Variants in DOCK9 observed in about 807,000 individuals in gnomAD.
The protein encoded by DOCK9 is dedicator of cytokinesis protein 9.
Under a neutral mutation model 263.3 loss-of-function variants are expected in DOCK9, and 89 were observed. The observed-to-expected ratio is 0.34, with a 90% CI of 0.28 to 0.40. DOCK9 has a LOEUF of 0.40. Ranked by LOEUF, DOCK9 falls within the 10% of genes least tolerant of loss-of-function variation. The pLI is 1.00. For synonymous variants in DOCK9, 976 were observed against 973.1 expected (o/e 1.00, Z -0.06); for missense variants, 2,140 against 2,603.4 (o/e 0.82, Z 3.87).
chr13:98,807,199 T>C (rs1354083245), intron 48 of DOCK9, among the ~76,000 whole-genome samples: 1 of 152,060 alleles, frequency 6.6e-6, no homozygotes, highest in Non-Finnish European at 1.5e-5. Flanking sequence ...AAGCAGAAAA[T>C]GATCGCCATT....
chr13:99,038,288 CTTTTTTTTTTTT>C (rs71419743), intron 1 of DOCK9, among the ~76,000 whole-genome samples: 9 of 86,264 alleles, frequency 1.0e-4, no homozygotes, highest in African/African-American at 3.2e-4. Context: ...TTATGCCCCC[CTTTTTTTTTTTT>C]TTTTTTTTTT....
At chr13:98,967,896 C>A (rs1312445050) in intron 1 of DOCK9, among the ~76,000 whole-genome samples, 1 of 152,100 alleles carries the variant, frequency 6.6e-6, no homozygotes, top group Non-Finnish European at 1.5e-5. Context: ...ATTTATAATA[C>A]CATCAAATAT....
intron 22 of DOCK9, 113 bp from the exon 23 acceptor site, chr13:98,883,244 T>C: frequency 1.0e-6 from 1 of 987,832 alleles, no homozygotes; most frequent in South Asian, 1.7e-5. Flanking sequence ...TTGTTGTTGT[T>C]GTTGTTGTTG....
intron 9 of DOCK9, among the ~76,000 whole-genome samples, chr13:98,911,570 T>C (rs2050035461): frequency 6.6e-6 from 1 of 152,198 alleles, no homozygotes; most frequent in African/African-American, 2.4e-5. Flanking sequence ...GACATTATTT[T>C]ATGTAAAAAA....
intron 39 of DOCK9, among the ~76,000 whole-genome samples, chr13:98,836,584 C>T (rs751343671): frequency 6.6e-6 from 1 of 152,082 alleles, no homozygotes; most frequent in Admixed American, 6.5e-5. Context: ...GGTAATGAGG[C>T]GCTTCTACCC....
At chr13:99,002,305 T>C (rs919759295) in intron 1 of DOCK9, among the ~76,000 whole-genome samples, 1 of 152,184 alleles carries the variant, frequency 6.6e-6, no homozygotes, top group African/African-American at 2.4e-5. Flanking sequence ...TCAGGGGCCC[T>C]GCAAGCCTTC....
intron 10 of DOCK9, among the ~76,000 whole-genome samples, chr13:98,903,319 C>G (rs1446688614): frequency 1.3e-5 from 2 of 152,094 alleles, no homozygotes; most frequent in Non-Finnish European, 2.9e-5. Flanking sequence ...ATGGGCCGGG[C>G]ACGGTGGCTC....
chr13:98,954,000 G>A (rs1197131607), intron 2 of DOCK9, among the ~76,000 whole-genome samples: 2 of 152,130 alleles, frequency 1.3e-5, no homozygotes, highest in Admixed American at 6.5e-5. Context: ...GTTGTAAGCT[G>A]GAGTCGCTTA....
At chr13:99,066,068 G>A (rs1316709488) in intron 1 of DOCK9, among the ~76,000 whole-genome samples, 1 of 152,078 alleles carries the variant, frequency 6.6e-6, no homozygotes, top group Non-Finnish European at 1.5e-5. Context: ...ACCCACACAC[G>A]TCCTGAATGG....
chr13:99,075,566 T>C (rs900562638), intron 1 of DOCK9, among the ~76,000 whole-genome samples: 11 of 151,962 alleles, frequency 7.2e-5, no homozygotes, highest in African/African-American at 1.9e-4. Flanking sequence ...GGTTCTCACT[T>C]TGTTGCCCAG....
intron 1 of DOCK9, 59 bp downstream of exon 1, chr13:98,977,725 G>A (rs1189011377): frequency 2.2e-5 from 35 of 1,559,468 alleles, no homozygotes; most frequent in Admixed American, 3.6e-5. Context: ...CCGTCCACAC[G>A]CACAATAAGA....
Position 98,888,642 on chromosome 13 carries a change from T to C in DOCK9, c.1779A>G (p.Ser593=). Residue 593 remains serine (S), a synonymous_variant, in exon 16 of 53, where the codon TCA becomes TCG. Transcript: ENST00000682017. ...NLDITIDNVS[S]DFPNYVNSSY... is the part of the protein sequence containing the mutation. ...AGAACTGACACTTACTAGGGAAGTC[T>C]GAGGAAACATTATCAATTGTAATGT... 1 of 1,613,880 alleles carries C rather than the reference T, an allele frequency of 6.2e-7. No homozygotes were observed. The highest frequency in any genetic ancestry group is 8.5e-7 in the Non-Finnish European group (1 of 1,179,792).
At position 98,825,768 on chromosome 13, in the gene DOCK9, G is replaced by A; in HGVS notation, c.5023+1062C>T. On this transcript the variant is annotated intron_variant, in intron 44 of 52. Coordinates refer to ENST00000682017, the MANE Select transcript of DOCK9 (RefSeq NM_001366683.2). The surrounding 1 kb of genome is among the most constrained non-coding windows in gnomAD (Gnocchi z 4.1). The stretch of plus-strand genomic sequence containing the variant: ...AGCCACAGAGTAGGAGGGAAGGAGA[G>A]TGAAGTCTGTCCATGCAAAGTTAAA... The A allele has an allele frequency of 1.4e-6, 1 of 711,410 alleles. No individual in the cohort carries two copies. The highest frequency in any genetic ancestry group is 2.1e-6 in the Non-Finnish European group (1 of 466,646). The allele number at this position is 711,410 out of a possible 1,614,324, so 44.1% of individuals were successfully genotyped here.
intron 1 of DOCK9, among the ~76,000 whole-genome samples, chr13:98,991,439 C>G (rs1245912932): frequency 6.6e-6 from 1 of 152,196 alleles, no homozygotes; most frequent in African/African-American, 2.4e-5. Context: ...ATGGTAGCCA[C>G]TAGCCACACG....
intron 2 of DOCK9, chr13:98,950,023 T>G: frequency 2.1e-6 from 1 of 482,968 alleles, no homozygotes; most frequent in South Asian, 1.7e-5. Flanking sequence ...GACTTTAGAT[T>G]GGAAATCCCC....
chr13:99,019,966 G>A (rs1885883364), intron 1 of DOCK9, among the ~76,000 whole-genome samples: 1 of 152,170 alleles, frequency 6.6e-6, no homozygotes, highest in Non-Finnish European at 1.5e-5. Flanking sequence ...GCCAGGCATG[G>A]TGGTGTGCAC....
chr13:98,983,047 A>G (rs577257869), upstream of DOCK9, among the ~76,000 whole-genome samples: 10 of 152,340 alleles, frequency 6.6e-5, no homozygotes, highest in South Asian at 1.9e-3. Flanking sequence ...AATTATCTCA[A>G]CCTAACAGAA....
At chr13:98,886,447 C>G in intron 19 of DOCK9, 85 bp downstream of exon 19, 3 of 1,090,982 alleles carry the variant, frequency 2.7e-6, no homozygotes, top group Non-Finnish European at 4.0e-6. Context: ...TGCAGCTTCT[C>G]TTGAATTTTC....
intron 15 of DOCK9, among the ~76,000 whole-genome samples, chr13:98,895,392 C>CCTAGGATT (rs2139227835): frequency 6.6e-6 from 1 of 152,200 alleles, no homozygotes; most frequent in African/African-American, 2.4e-5. Context: ...CTAGGCTGGG[C>CCTAGGATT]ACGGTGGCTC....
Sources: allele counts gnomAD v4.1 joint callset (sites outside exome capture counted in the v4.1 genomes callset), GRCh38; gene constraint gnomAD v4.1.1; non-coding constraint Gnocchi (gnomAD v3.1); transcripts MANE v1.5; gene names NCBI Gene and HGNC (gene_info 2026-07-23, HGNC 2026-07-21).